Variants in ZBTB16 observed in about 807,000 individuals in gnomAD.
ZBTB16 encodes zinc finger and BTB domain containing 16.
ZBTB16 carries 8 observed loss-of-function variants against 56.8 expected under a neutral mutation model. The observed-to-expected ratio is 0.14, with a 90% CI of 0.08 to 0.25. ZBTB16 has a LOEUF of 0.25. Ranked by LOEUF, ZBTB16 falls within the 10% of genes least tolerant of loss-of-function variation. The pLI, the probability that ZBTB16 is intolerant of heterozygous loss-of-function variation, is 1.00. For synonymous variants in ZBTB16, 363 were observed against 368.5 expected, an observed-to-expected ratio of 0.98 and a Z score of 0.17; for missense variants, 625 against 903.0, an observed-to-expected ratio of 0.69 and a Z score of 3.95.
chr11:114,065,438 T>A (rs997159540), intron 2 of ZBTB16, among the ~76,000 whole-genome samples: 1 of 152,122 alleles, frequency 6.6e-6, no homozygotes, highest in African/African-American at 2.4e-5. Flanking sequence ...TTTTTGGATG[T>A]GAAGTTTCGC....
chr11:114,129,514 A>G (rs533851606), intron 2 of ZBTB16, among the ~76,000 whole-genome samples: 4 of 152,288 alleles, frequency 2.6e-5, no homozygotes, highest in African/African-American at 9.6e-5. Context: ...CCCTTGGCCC[A>G]CCTGCCTATT....
At chr11:114,119,263 TCA>T (rs1491354776) in intron 2 of ZBTB16, among the ~76,000 whole-genome samples, 323 of 34,336 alleles carry the variant, frequency 9.4e-3, no homozygotes, top group Non-Finnish European at 0.013. Context: ...AAACTCTGTC[TCA>T]AAAAAAAAAA....
chr11:114,250,532 T>C lies in ZBTB16; in HGVS notation c.1999T>C (p.Tyr667His), dbSNP rs774433212. ...IPPDWRIEKTYLYLCYV is the reference protein window; with the variant it reads ...IPPDWRIEKTHLYLCYV ...GCCCGACTGGAGGATAGAGAAGACG[T>C]ACCTCTACCTGTGCTATGTGTGAAG... Residue 667 changes from tyrosine (Y) to histidine (H), a missense_variant, in exon 7 of 7, where the codon TAC becomes CAC. Coordinates refer to ENST00000335953, the MANE Select transcript of ZBTB16 (RefSeq NM_006006.6). The surrounding 1 kb of genome is among the most constrained non-coding windows in gnomAD (Gnocchi z 6.0). 6.2e-7 allele frequency: 1 copy of C among 1,613,972 alleles called. No individual in the cohort carries two copies. Among genetic ancestry groups the C allele is most frequent in the Non-Finnish European group, 8.5e-7 (1 of 1,180,006 alleles).
chr11:114,245,554 G>C (rs73007088), intron 5 of ZBTB16, among the ~76,000 whole-genome samples: 1,721 of 152,284 alleles, frequency 0.011, 27 homozygotes, highest in Non-Finnish European at 0.015. Flanking sequence ...ACTTTGGGAG[G>C]GGGGAGCTTT....
chr11:114,214,287 G>A (rs922851897), intron 4 of ZBTB16, among the ~76,000 whole-genome samples: 4 of 152,096 alleles, frequency 2.6e-5, no homozygotes, highest in African/African-American at 9.7e-5. Flanking sequence ...AGTTAGTAGG[G>A]GAGATGGGAC....
intron 2 of ZBTB16, among the ~76,000 whole-genome samples, chr11:114,136,225 T>C (rs146874642): frequency 2.6e-5 from 4 of 152,316 alleles, no homozygotes; most frequent in African/African-American, 9.6e-5. Flanking sequence ...CGAATTCTCC[T>C]AGAAGTGTTA....
rs1435129684 is a variant in ZBTB16, at chr11:114,254,834, G to C, written c.*4279G>C. On this transcript the variant is annotated 3_prime_UTR_variant, in exon 7 of 7. Transcript: ENST00000335953. ...TACGCGGTGGGACAGATGGGGAGAG[G>C]AAAAAGGCAGAGATGGCCAGGAGAG... Among the ~76,000 whole-genome samples, 1 of 152,102 alleles carries C rather than the reference G, an allele frequency of 6.6e-6. No individual in the cohort carries two copies. Among genetic ancestry groups the C allele is most frequent in the Non-Finnish European group, 1.5e-5 (1 of 68,014 alleles).
rs1359629304 is a variant in ZBTB16, at chr11:114,143,528, A to G, written c.1269-12809A>G. ...AGTGAAATGTCCTTTTGGAAGTATC[A>G]GGTTCCTGCAGGGAGATTACACAAA... On this transcript the variant is annotated intron_variant, in intron 2 of 6. Coordinates refer to ENST00000335953, the MANE Select transcript of ZBTB16 (RefSeq NM_006006.6). The surrounding 1 kb of genome is among the most constrained non-coding windows in gnomAD (Gnocchi z 6.4). Among the ~76,000 whole-genome samples, 1 of 152,176 alleles carries G rather than the reference A, an allele frequency of 6.6e-6. No individual in the cohort carries two copies. The highest frequency in any genetic ancestry group is 1.5e-5 in the Non-Finnish European group (1 of 68,028).
In ZBTB16 at chr11:114,063,764, A is replaced by G. The variant is rs778769405; in HGVS notation, c.464A>G (p.Asn155Ser). The G allele has an allele frequency of 3.1e-6, 5 of 1,614,066 alleles. No homozygotes were observed. The highest frequency in any genetic ancestry group is 4.2e-6 in the Non-Finnish European group (5 of 1,180,042). The part of the protein sequence containing the change: ...EEDRKARYLK[N>S]IFISKHSSEE... ...GACCGCAAGGCTCGGTACCTCAAGA[A>G]CATCTTCATCTCGAAGCATTCCAGC... Residue 155 changes from asparagine to serine, a missense_variant, in exon 2 of 7, where the codon AAC becomes AGC. Physicochemically the swap from Asn to Ser is conservative, Grantham distance 46 (BLOSUM62 1). Around this residue, in one of 6 missense-constraint regions of ZBTB16, gnomAD observed 384 missense variants for 393.5 expected, o/e 0.98. Transcript: ENST00000335953. This position sits in a 1 kb window ranked among gnomAD's most constrained non-coding sequence, Gnocchi z 6.5.
intron 2 of ZBTB16, among the ~76,000 whole-genome samples, chr11:114,092,477 G>A (rs1334797270): frequency 5.9e-5 from 9 of 152,184 alleles, no homozygotes; most frequent in Admixed American, 2.0e-4. Context: ...AGATGGTTCC[G>A]TTGTCCTCAC....
At chr11:114,075,848 A>G (rs1272677609) in intron 2 of ZBTB16, among the ~76,000 whole-genome samples, 1 of 152,070 alleles carries the variant, frequency 6.6e-6, no homozygotes, top group Non-Finnish European at 1.5e-5. Flanking sequence ...TTTTCCCCCC[A>G]TCATAGCCCA....
At chr11:114,073,594 A>G (rs1380025098) in intron 2 of ZBTB16, among the ~76,000 whole-genome samples, 2 of 152,202 alleles carry the variant, frequency 1.3e-5, no homozygotes, top group Non-Finnish European at 2.9e-5. Flanking sequence ...TTAATTCTAA[A>G]TTCCTAGCTC....
chr11:114,107,368 C>T (rs546063605), intron 2 of ZBTB16, among the ~76,000 whole-genome samples: 10 of 152,332 alleles, frequency 6.6e-5, no homozygotes, highest in African/African-American at 2.4e-4. Flanking sequence ...TCTAACTTCA[C>T]TCCCTCAAGT....
chr11:114,188,985 G>T (rs1473647163), intron 4 of ZBTB16: 1 of 152,222 alleles, frequency 6.6e-6, no homozygotes. Context: ...CAGAAGCCCT[G>T]AGGCTGGATC....
At chr11:114,219,837 G>A (rs765876273) in intron 4 of ZBTB16, among the ~76,000 whole-genome samples, 1 of 152,138 alleles carries the variant, frequency 6.6e-6, no homozygotes, top group African/African-American at 2.4e-5. Flanking sequence ...CCAGTCTGTT[G>A]GGCTTGGGGT....
At chr11:114,073,355 C>T (rs1939421491) in intron 2 of ZBTB16, among the ~76,000 whole-genome samples, 1 of 152,172 alleles carries the variant, frequency 6.6e-6, no homozygotes, top group South Asian at 2.1e-4. Flanking sequence ...AAAAAGAAAC[C>T]CATTTACAAA....
At chr11:114,217,666 G>T (rs529771945) in intron 4 of ZBTB16, among the ~76,000 whole-genome samples, 1 of 152,314 alleles carries the variant, frequency 6.6e-6, no homozygotes, top group East Asian at 1.9e-4. Flanking sequence ...CAGGCTGGAG[G>T]CCTCCTGGCT....
intron 4 of ZBTB16, among the ~76,000 whole-genome samples, chr11:114,199,394 C>T (rs563305588): frequency 1.3e-4 from 19 of 151,426 alleles, no homozygotes; most frequent in East Asian, 2.0e-4. Flanking sequence ...GGCCCCGGGA[C>T]GGGGATGCTG....
At chr11:114,202,724 T>C (rs1943762329) in intron 4 of ZBTB16, among the ~76,000 whole-genome samples, 1 of 152,108 alleles carries the variant, frequency 6.6e-6, no homozygotes, top group Admixed American at 6.6e-5. Context: ...GTGAGGGCTG[T>C]GGGTTAAGGA....
Sources: gnomAD v4.1 joint callset for allele counts (sites outside exome capture counted in the v4.1 genomes callset) on GRCh38, gnomAD v4.1.1 for gene constraint, gnomAD v4.1.1 regional missense constraint, Gnocchi (gnomAD v3.1) non-coding constraint, MANE v1.5 for transcripts, NCBI Gene and HGNC (gene_info 2026-07-23, HGNC 2026-07-21) for gene names.